The following PPP1R1C variants were observed in gnomAD, a reference collection of about 807,000 sequenced individuals.
PPP1R1C encodes the protein protein phosphatase 1 regulatory inhibitor subunit 1C.
PPP1R1C carries 15 observed loss-of-function variants against 17.4 expected under a neutral mutation model. The observed-to-expected ratio is 0.86, with a 90% CI of 0.58 to 1.33. The LOEUF (loss-of-function observed/expected upper bound fraction) is 1.33, where lower values mean the gene tolerates loss of function less well. PPP1R1C is among the 40% of genes most tolerant of loss of function. The probability of loss-of-function intolerance (pLI) is 0.00; values close to 1 mark genes in which losing one functional copy is unlikely to be tolerated. For missense variants in PPP1R1C, 143 were observed against 130.0 expected (o/e 1.10, Z -0.48); for synonymous variants, 35 against 43.1 (o/e 0.81, Z 0.73).
chr2:181,976,052 A>G lies in PPP1R1C; in HGVS notation n.157+788A>G, dbSNP rs537564838. On this transcript the variant is annotated intron_variant and non_coding_transcript_variant, in intron 2 of 5. Transcript: ENST00000464264. The surrounding 1 kb of genome is among the most constrained non-coding windows in gnomAD (Gnocchi z 4.8). ...TTGTTATTCTGGCTCTTAATTTTTT[A>G]TTAAAAAATTCAAATGTGCTCATTG... is the stretch of plus-strand genomic sequence containing the variant. 1.3e-4 allele frequency among the ~76,000 whole-genome samples: 20 copies of G among 152,230 alleles called. No homozygotes were observed. Among genetic ancestry groups the G allele is most frequent in the African/African-American group, 4.8e-4 (20 of 41,588 alleles).
At chr2:182,032,617 A>G (rs1336888158) in intron 2 of PPP1R1C, among the ~76,000 whole-genome samples, 1 of 152,114 alleles carries the variant, frequency 6.6e-6, no homozygotes, top group Admixed American at 6.6e-5. Flanking sequence ...GCTGAAAGGC[A>G]GTATAGTTAG....
chr2:182,045,356 TA>T (rs774937460), intron 2 of PPP1R1C, among the ~76,000 whole-genome samples: 3 of 152,066 alleles, frequency 2.0e-5, no homozygotes, highest in African/African-American at 7.2e-5. Context: ...CTAACTTCTA[TA>T]TTTTTCAAGT....
At chr2:181,979,454 T>A (rs1167429888) in intron 2 of PPP1R1C, among the ~76,000 whole-genome samples, 4 of 152,238 alleles carry the variant, frequency 2.6e-5, no homozygotes, top group Non-Finnish European at 5.9e-5. Context: ...TCTTGACCCA[T>A]TCCAATCTAC....
At chr2:181,996,950 C>T (rs1685627794) in intron 2 of PPP1R1C, among the ~76,000 whole-genome samples, 1 of 152,214 alleles carries the variant, frequency 6.6e-6, no homozygotes, top group Non-Finnish European at 1.5e-5. Context: ...ATATACACAG[C>T]CGGGCGCGGT....
chr2:182,120,660 G>A (rs547139693), downstream of PPP1R1C, among the ~76,000 whole-genome samples: 12 of 152,266 alleles, frequency 7.9e-5, no homozygotes, highest in Non-Finnish European at 1.6e-4. Context: ...CCCCTTGAGA[G>A]TATTTGAGAC....
chr2:181,990,969 A>G (rs1209143461), intron 2 of PPP1R1C, among the ~76,000 whole-genome samples: 1 of 152,204 alleles, frequency 6.6e-6, no homozygotes, highest in Non-Finnish European at 1.5e-5. Flanking sequence ...AAAATTCAAA[A>G]CCCTGCAAAT....
chr2:182,051,175 T>C (rs77414515), intron 2 of PPP1R1C, among the ~76,000 whole-genome samples: 1 of 152,236 alleles, frequency 6.6e-6, no homozygotes, highest in Non-Finnish European at 1.5e-5. Context: ...ATATGCATGA[T>C]TGAGACTTTT....
chr2:181,966,805 A>G lies in PPP1R1C; in HGVS notation n.112-8414A>G, dbSNP rs116676759. Among the ~76,000 whole-genome samples, 1,383 of 152,290 alleles carry G rather than the reference A, an allele frequency of 9.1e-3. 23 individuals carry two copies. The highest frequency in any genetic ancestry group is 0.032 in the African/African-American group (1,316 of 41,570). ...TCTGTCTAGTTTTGATTTCAGGGTA[A>G]TAATACTTGCCTCATAGAATGAGTT... On this transcript the variant is annotated intron_variant and non_coding_transcript_variant, in intron 1 of 5. Transcript: ENST00000464264.
At chr2:182,013,969 T>G (rs1296769051) in intron 2 of PPP1R1C, among the ~76,000 whole-genome samples, 1 of 152,256 alleles carries the variant, frequency 6.6e-6, no homozygotes, top group Non-Finnish European at 1.5e-5. Context: ...TTGAGCTTGC[T>G]CAAAACAACT....
rs147095140 is a variant in PPP1R1C at position 181,957,682 on chromosome 2, C to T, written n.111+3048C>T. Among the ~76,000 whole-genome samples the T allele has an allele frequency of 1.6e-3, 240 of 152,110 alleles. 1 individual carries two copies. Among genetic ancestry groups the T allele is most frequent in the Non-Finnish European group, 2.5e-3 (171 of 67,984 alleles). On this transcript the variant is annotated intron_variant and non_coding_transcript_variant, in intron 1 of 5. Coordinates refer to the PPP1R1C transcript ENST00000464264. The surrounding 1 kb of genome is among the most constrained non-coding windows in gnomAD (Gnocchi z 4.2). ...CAAATAATCAAAATCTGATAATTCC[C>T]ATTGCATACCTTAGGAATCTGTCTC...
intron 1 of PPP1R1C, among the ~76,000 whole-genome samples, chr2:181,958,289 A>G (rs1684703596): frequency 6.6e-6 from 1 of 152,218 alleles, no homozygotes; most frequent in Non-Finnish European, 1.5e-5. Context: ...GCTTGAGGAA[A>G]GGGAGTCATT....
At chr2:182,057,454 T>C (rs1000880078) in intron 2 of PPP1R1C, among the ~76,000 whole-genome samples, 1 of 152,146 alleles carries the variant, frequency 6.6e-6, no homozygotes, top group Non-Finnish European at 1.5e-5. Flanking sequence ...GTTTTCTGGA[T>C]ATGGGGAATA....
intron 2 of PPP1R1C, among the ~76,000 whole-genome samples, chr2:182,024,168 T>C (rs1686519426): frequency 6.6e-6 from 1 of 152,176 alleles, no homozygotes; most frequent in African/African-American, 2.4e-5. Flanking sequence ...AAAAAATAAT[T>C]AATGATGAAA....
rs183974721 is a variant in PPP1R1C at position 182,124,818 on chromosome 2, A to G, written c.*7-4156A>G. ...GGACTGAGATGATGGGATTTTCTAA[A>G]TATATAATTGTGTCATCTGCAAACA... On this transcript the variant is annotated intron_variant, in intron 5 of 5. Transcript: ENST00000280295. Among the ~76,000 whole-genome samples the G allele has an allele frequency of 2.1e-4, 32 of 152,276 alleles. No individual in the cohort carries two copies. In the East Asian group the frequency reaches 4.6e-3, roughly 22 times the overall value.
intron 2 of PPP1R1C, among the ~76,000 whole-genome samples, chr2:182,032,207 A>G (rs1455743578): frequency 3.3e-5 from 5 of 152,348 alleles, no homozygotes; most frequent in African/African-American, 7.2e-5. Flanking sequence ...AGCTAATCCA[A>G]TCTAAAGAAG....
rs1684797155 is a variant in PPP1R1C at position 181,961,685 on chromosome 2, C to T, written n.111+7051C>T. Reference sequence around the variant, plus strand: ...TGCTGAGACCAGCACTTGTCCAGCTCCTCTCAGTTCTTTCGAGTCAGCTCA... The same window carrying T: ...TGCTGAGACCAGCACTTGTCCAGCTTCTCTCAGTTCTTTCGAGTCAGCTCA... On this transcript the variant is annotated intron_variant and non_coding_transcript_variant, in intron 1 of 5. Coordinates refer to the PPP1R1C transcript ENST00000464264. This position sits in a 1 kb window ranked among gnomAD's most constrained non-coding sequence, Gnocchi z 5.8. The T allele has an allele frequency of 5.2e-6, 4 of 770,196 alleles. No homozygotes were observed. The highest frequency in any genetic ancestry group is 1.4e-5 in the South Asian group (1 of 72,760). 47.7% of individuals were successfully genotyped at this position (770,196 alleles called of 1,614,324 possible). A position where few individuals can be genotyped will look rare whatever the true frequency, so the allele number is the denominator to read the frequency against.
downstream of PPP1R1C, among the ~76,000 whole-genome samples, chr2:182,118,725 G>A (rs16822648): frequency 1.1e-3 from 165 of 152,028 alleles, 2 homozygotes; most frequent in East Asian, 0.024. Flanking sequence ...TGTGAAACCC[G>A]TTGATAAGCA....
At chr2:181,968,315 G>T (rs1684942706) in intron 1 of PPP1R1C, among the ~76,000 whole-genome samples, 1 of 152,114 alleles carries the variant, frequency 6.6e-6, no homozygotes, top group African/African-American at 2.4e-5. Context: ...AGCTATTATT[G>T]TATTAGCATC....
chr2:181,969,319 A>G (rs907351447), intron 1 of PPP1R1C, among the ~76,000 whole-genome samples: 3 of 152,112 alleles, frequency 2.0e-5, no homozygotes, highest in African/African-American at 7.2e-5. Flanking sequence ...TTTGTTTGGG[A>G]AAGTATTTAT....
Sources: gnomAD v4.1 joint callset for allele counts (sites outside exome capture counted in the v4.1 genomes callset) on GRCh38, gnomAD v4.1.1 for gene constraint, Gnocchi (gnomAD v3.1) non-coding constraint, MANE v1.5 for transcripts, NCBI Gene and HGNC (gene_info 2026-07-23, HGNC 2026-07-21) for gene names.